NAA60: variants seen among roughly 807,000 people sequenced by gnomAD.
The protein encoded by NAA60 is N-alpha-acetyltransferase 60, NatF catalytic subunit, also known as N-alpha-acetyltransferase 60.
In NAA60, 8 loss-of-function variants were observed where a neutral mutation model predicts 26.1. That is an observed-to-expected ratio of 0.31 (90% CI 0.18 to 0.55). NAA60 has a LOEUF of 0.55. Ranked by LOEUF, NAA60 falls within the 20% of genes least tolerant of loss-of-function variation. The pLI is 0.93. For missense variants in NAA60, 290 were observed against 311.3 expected (o/e 0.93, Z 0.51); for synonymous variants, 131 against 122.5 (o/e 1.07, Z -0.46).
At chr16:3,465,397 C>G (rs917194916) in intron 2 of NAA60, among the ~76,000 whole-genome samples, 24 of 152,238 alleles carry the variant, frequency 1.6e-4, no homozygotes, top group Non-Finnish European at 2.8e-4. Flanking sequence ...GGGTCATGTT[C>G]TTGTCTCTGT....
intron 2 of NAA60, among the ~76,000 whole-genome samples, chr16:3,455,137 G>A (rs529120367): frequency 4.7e-5 from 7 of 149,948 alleles, no homozygotes; most frequent in African/African-American, 1.5e-4. Context: ...CTGCAACCTC[G>A]GCCTCCCGGG....
At chr16:3,466,130 C>T (rs778452784) in intron 2 of NAA60, among the ~76,000 whole-genome samples, 2 of 152,236 alleles carry the variant, frequency 1.3e-5, no homozygotes, top group South Asian at 4.1e-4. Flanking sequence ...TTCTCAGCTC[C>T]GCCTTCACCA....
intron 1 of NAA60, among the ~76,000 whole-genome samples, chr16:3,446,579 C>G (rs1272141975): frequency 6.0e-5 from 9 of 149,118 alleles, no homozygotes; most frequent in African/African-American, 1.5e-4. Flanking sequence ...CAACACATTC[C>G]TGTCACCCAG....
chr16:3,459,411 C>T (rs1280428531), intron 2 of NAA60, among the ~76,000 whole-genome samples: 1 of 152,202 alleles, frequency 6.6e-6, no homozygotes, highest in Non-Finnish European at 1.5e-5. Flanking sequence ...AATAAATACA[C>T]ACATATCAGT....
At position 3,483,905 on chromosome 16, in the gene NAA60, C is replaced by T. The variant is rs1390470224; in HGVS notation, c.572+308C>T. ...CTGCACCCAGCTGGAGAGCCTCCTG[C>T]TCCACTTGCACTGGGGATCAGCAGT... On this transcript the variant is annotated intron_variant, in intron 6 of 7. Coordinates refer to ENST00000407558, the MANE Select transcript of NAA60 (RefSeq NM_001083601.3). The T allele has an allele frequency of 1.3e-5, 5 of 393,402 alleles. No homozygotes were observed. In the South Asian group the frequency reaches 1.5e-4, roughly 12 times the overall value. 24.4% of individuals were successfully genotyped at this position (393,402 alleles called of 1,614,324 possible). A position where few individuals can be genotyped will look rare whatever the true frequency, so the allele number is the denominator to read the frequency against.
chr16:3,456,577 G>T (rs958348885), intron 2 of NAA60, among the ~76,000 whole-genome samples: 1 of 152,048 alleles, frequency 6.6e-6, no homozygotes, highest in African/African-American at 2.4e-5. Flanking sequence ...TGCCAACATT[G>T]TGCTCTCTCT....
chr16:3,450,571 G>C (rs1017844052), intron 2 of NAA60, among the ~76,000 whole-genome samples: 1 of 151,940 alleles, frequency 6.6e-6, no homozygotes, highest in Non-Finnish European at 1.5e-5. Context: ...GTGGTGGTGG[G>C]CACCTGTGGT....
intron 2 of NAA60, among the ~76,000 whole-genome samples, chr16:3,473,309 C>T (rs117107286): frequency 0.061 from 9,344 of 152,166 alleles, 382 homozygotes; most frequent in Middle Eastern, 0.085. Context: ...AATGGACTCA[C>T]GGTTGTACAT....
chr16:3,461,672 A>G (rs2035403825), intron 2 of NAA60, among the ~76,000 whole-genome samples: 1 of 152,232 alleles, frequency 6.6e-6, no homozygotes, highest in African/African-American at 2.4e-5. Flanking sequence ...TAAACATTCT[A>G]AACAAAGATT....
intron 2 of NAA60, among the ~76,000 whole-genome samples, chr16:3,468,619 C>A (rs967458490): frequency 1.3e-5 from 2 of 152,208 alleles, no homozygotes; most frequent in Non-Finnish European, 2.9e-5. Flanking sequence ...AGTGCCGAGG[C>A]GCAAGCACGG....
At chr16:3,456,308 T>G (rs2034991673) in intron 2 of NAA60, among the ~76,000 whole-genome samples, 1 of 152,242 alleles carries the variant, frequency 6.6e-6, no homozygotes, top group African/African-American at 2.4e-5. Context: ...GTGATGCCGC[T>G]GCTCCTGGAC....
chr16:3,466,006 C>T (rs1450073590), intron 2 of NAA60, among the ~76,000 whole-genome samples: 2 of 152,204 alleles, frequency 1.3e-5, no homozygotes, highest in African/African-American at 2.4e-5. Flanking sequence ...CACCTGTGGC[C>T]GTTGCTGCTG....
At chr16:3,451,428 C>T (rs1175316939) in intron 2 of NAA60, among the ~76,000 whole-genome samples, 3 of 152,166 alleles carry the variant, frequency 2.0e-5, no homozygotes, top group Admixed American at 6.5e-5. Context: ...GCATGCATTA[C>T]TTCTAAAAAT....
intron 2 of NAA60, among the ~76,000 whole-genome samples, chr16:3,461,217 C>T (rs2035372004): frequency 6.6e-6 from 1 of 150,426 alleles, no homozygotes; most frequent in African/African-American, 2.5e-5. Context: ...CTGCTATGAA[C>T]ACTAAGGCAT....
chr16:3,444,618 T>A (rs75957306), intron 1 of NAA60, among the ~76,000 whole-genome samples: 1 of 152,148 alleles, frequency 6.6e-6, no homozygotes, highest in East Asian at 1.9e-4. Flanking sequence ...AATGTGATTT[T>A]GTGGAATATC....
At chr16:3,477,539 G>C (rs555841637) in intron 3 of NAA60, among the ~76,000 whole-genome samples, 2 of 151,404 alleles carry the variant, frequency 1.3e-5, no homozygotes, top group Non-Finnish European at 2.9e-5. Flanking sequence ...AGTGGCTCAC[G>C]CCTGTAATCC....
chr16:3,482,626 C>T (rs1370323401), intron 5 of NAA60, 28 bp downstream of exon 5: 25 of 1,521,668 alleles, frequency 1.6e-5, no homozygotes, highest in African/African-American at 2.8e-5. Flanking sequence ...CGCGGCTTGG[C>T]GCCCACCCCA....
At position 3,461,712 on chromosome 16, in the gene NAA60, G is replaced by A. The variant is rs12599582; in HGVS notation, c.-7+13172G>A. On this transcript the variant is annotated intron_variant, in intron 2 of 7. Coordinates refer to ENST00000407558, the MANE Select transcript of NAA60 (RefSeq NM_001083601.3). Reference sequence around the variant, plus strand: ...GTTGCAATGAAGAGGAGGTGGTTGTGGACAGACATGCAGAACAAATGTTTG... The same window carrying A: ...GTTGCAATGAAGAGGAGGTGGTTGTAGACAGACATGCAGAACAAATGTTTG... Among the ~76,000 whole-genome samples the A allele has an allele frequency of 0.011, 1,618 of 152,212 alleles. 85 individuals are homozygous for A. The South Asian group carries it at 0.12, about 11-fold the overall frequency.
At chr16:3,446,228 T>C (rs1010651109) in intron 1 of NAA60, among the ~76,000 whole-genome samples, 1 of 152,094 alleles carries the variant, frequency 6.6e-6, no homozygotes, top group Non-Finnish European at 1.5e-5. Flanking sequence ...GTAGTATATG[T>C]GCATTTCAGA....
Sources: allele counts gnomAD v4.1 joint callset (sites outside exome capture counted in the v4.1 genomes callset), GRCh38; gene constraint gnomAD v4.1.1; transcripts MANE v1.5; gene names NCBI Gene and HGNC (gene_info 2026-07-23, HGNC 2026-07-21).